LRP1B: variants seen among roughly 807,000 people sequenced by gnomAD.
LRP1B encodes low-density lipoprotein receptor-related protein 1B.
LRP1B carries 217 observed loss-of-function variants against 556.6 expected under a neutral mutation model. That is an observed-to-expected ratio of 0.39 (90% confidence interval 0.35 to 0.44). The LOEUF (loss-of-function observed/expected upper bound fraction) is 0.44. LRP1B is among the 20% of genes least tolerant of loss of function. The pLI, the probability that LRP1B is intolerant of heterozygous loss-of-function variation, is 1.00. For missense variants in LRP1B, 5,053 were observed against 5,620.8 expected, an observed-to-expected ratio of 0.90 and a Z score of 3.23; for synonymous variants, 2,047 against 1,865.8, an observed-to-expected ratio of 1.10 and a Z score of -2.50.
At position 140,323,962 on chromosome 2, in the gene LRP1B, C is replaced by G. The variant is rs1479284770; in HGVS notation, c.12445G>C (p.Glu4149Gln). The G allele has an allele frequency of 6.2e-7, 1 of 1,601,612 alleles. No individual in the cohort carries two copies. The change falls in exon 81 of 91, where the codon GAG (glutamate) becomes CAG (glutamine). Residue 4149 changes from glutamate to glutamine, a missense_variant. Physicochemically the swap from Glu to Gln is conservative, Grantham distance 29. Coordinates refer to ENST00000389484, the MANE Select transcript of LRP1B (RefSeq NM_018557.3). ...TTATCAATATTTAAAGCTAAGTACT[C>G]TACTGAACCATGGCCAAATTTTTGA... ...RVQKFGHGSVEYLALNIDKTK... is the reference protein window; with the variant it reads ...RVQKFGHGSVQYLALNIDKTK...
chr2:140,975,348 C>G (rs1225953898), intron 18 of LRP1B, among the ~76,000 whole-genome samples: 2 of 152,154 alleles, frequency 1.3e-5, no homozygotes, highest in Non-Finnish European at 1.5e-5. Context: ...ACACAGAAGC[C>G]TCTCAATAGA....
chr2:141,749,578 T>A (rs1694036242), intron 2 of LRP1B, among the ~76,000 whole-genome samples: 1 of 152,136 alleles, frequency 6.6e-6, no homozygotes, highest in South Asian at 2.1e-4. Flanking sequence ...GGAAAAGAGT[T>A]CAGTATCTTG....
At chr2:140,426,873 C>T (rs554604047) in intron 66 of LRP1B, among the ~76,000 whole-genome samples, 1 of 152,266 alleles carries the variant, frequency 6.6e-6, no homozygotes, top group South Asian at 2.1e-4. Flanking sequence ...GCTCTTTGCT[C>T]TGTGAGAAAG....
chr2:140,834,902 G>T (rs1457836593), intron 31 of LRP1B, among the ~76,000 whole-genome samples: 1 of 152,100 alleles, frequency 6.6e-6, no homozygotes, highest in Non-Finnish European at 1.5e-5. Context: ...AAATTGGTGT[G>T]TAAATTTCCA....
At chr2:141,000,635 T>C (rs1159585259) in intron 15 of LRP1B, among the ~76,000 whole-genome samples, 1 of 152,026 alleles carries the variant, frequency 6.6e-6, no homozygotes, top group East Asian at 1.9e-4. Flanking sequence ...GAGCAAGCTT[T>C]AAACTCGCAG....
At chr2:141,647,219 T>C (rs4427957) in intron 2 of LRP1B, among the ~76,000 whole-genome samples, 62,104 of 152,084 alleles carry the variant, frequency 0.41, 13,178 homozygotes, top group Middle Eastern at 0.48. Context: ...TGCAGCTAGA[T>C]TGGAACCATA....
chr2:140,497,031 G>A (rs1214000743), intron 55 of LRP1B, among the ~76,000 whole-genome samples: 1 of 151,598 alleles, frequency 6.6e-6, no homozygotes, highest in Admixed American at 6.6e-5. Flanking sequence ...ACAATTTATG[G>A]TTAGAATTAT....
At chr2:142,052,936 G>A (rs141332389) in intron 1 of LRP1B, among the ~76,000 whole-genome samples, 43 of 152,104 alleles carry the variant, frequency 2.8e-4, no homozygotes, top group Middle Eastern at 6.8e-3. Flanking sequence ...CTGCTTTGTC[G>A]GCATGAAGTT....
At chr2:141,938,587 G>C (rs1700703939) in intron 1 of LRP1B, among the ~76,000 whole-genome samples, 1 of 151,984 alleles carries the variant, frequency 6.6e-6, no homozygotes, top group Non-Finnish European at 1.5e-5. Context: ...CCTTTTTCTG[G>C]GTATGTATGC....
Position 141,389,329 on chromosome 2 carries a change from C to A in LRP1B, c.343+91067G>T, listed in dbSNP as rs946977418. On this transcript the variant is annotated intron_variant, in intron 3 of 90. Coordinates refer to ENST00000389484, the MANE Select transcript of LRP1B (RefSeq NM_018557.3). ...TATAAAATATATATATCTAGGGGCA[C>A]TTGATTTTGGACAAAAGGTGCTGAG... Among the ~76,000 whole-genome samples the A allele has an allele frequency of 8.5e-5, 13 of 152,166 alleles. No homozygotes were observed. In the East Asian group the frequency reaches 2.5e-3, roughly 29 times the overall value.
intron 27 of LRP1B, among the ~76,000 whole-genome samples, chr2:140,863,174 G>A (rs1573816319): frequency 1.3e-5 from 2 of 151,862 alleles, no homozygotes; most frequent in African/African-American, 4.8e-5. Flanking sequence ...ATATATATGT[G>A]TTACACACAC....
chr2:141,237,307 A>G (rs1683682322), intron 5 of LRP1B, among the ~76,000 whole-genome samples: 1 of 151,670 alleles, frequency 6.6e-6, no homozygotes, highest in Non-Finnish European at 1.5e-5. Context: ...CATTAGTCCA[A>G]TGGCTAAAGC....
chr2:140,724,263 T>C (rs561026192), intron 35 of LRP1B, among the ~76,000 whole-genome samples: 1 of 152,246 alleles, frequency 6.6e-6, no homozygotes, highest in South Asian at 2.1e-4. Context: ...GAAGGGAGGA[T>C]TGCTTGAAAC....
intron 1 of LRP1B, among the ~76,000 whole-genome samples, chr2:141,911,600 T>C (rs1175622806): frequency 1.3e-5 from 2 of 152,178 alleles, no homozygotes; most frequent in African/African-American, 2.4e-5. Flanking sequence ...TCTGCTACCA[T>C]AGATAATAAG....
chr2:142,093,112 A>G (rs564260931), intron 1 of LRP1B, among the ~76,000 whole-genome samples: 6 of 152,206 alleles, frequency 3.9e-5, no homozygotes, highest in African/African-American at 1.4e-4. Flanking sequence ...TTCATCACCC[A>G]AAGTGACGAT....
chr2:140,672,859 G>T (rs1341556789), intron 41 of LRP1B, among the ~76,000 whole-genome samples: 1 of 152,138 alleles, frequency 6.6e-6, no homozygotes, highest in African/African-American at 2.4e-5. Flanking sequence ...GTATTTCCAA[G>T]ATAATTCCAT....
intron 32 of LRP1B, among the ~76,000 whole-genome samples, chr2:140,778,328 A>T (rs1284197432): frequency 1.3e-5 from 2 of 152,208 alleles, no homozygotes; most frequent in Admixed American, 1.3e-4. Context: ...GAATATAAAA[A>T]CTGTCATATA....
chr2:142,005,364 G>A (rs941482014), intron 1 of LRP1B, among the ~76,000 whole-genome samples: 8 of 151,824 alleles, frequency 5.3e-5, no homozygotes, highest in Non-Finnish European at 8.8e-5. Context: ...TTTTCAGACC[G>A]AAAAAAATAA....
intron 1 of LRP1B, among the ~76,000 whole-genome samples, chr2:142,008,165 C>G (rs1702853959): frequency 6.6e-6 from 1 of 152,174 alleles, no homozygotes; most frequent in Admixed American, 6.5e-5. Flanking sequence ...CAAGTGGGCA[C>G]ATAGATTTAA....
Sources: allele counts gnomAD v4.1 joint callset (sites outside exome capture counted in the v4.1 genomes callset), GRCh38; gene constraint gnomAD v4.1.1; transcripts MANE v1.5; gene names NCBI Gene and HGNC (gene_info 2026-07-23, HGNC 2026-07-21).